Variants in CCDC171 observed in about 807,000 individuals in gnomAD.
CCDC171 encodes coiled-coil domain containing 171.
Under a neutral mutation model 168.2 loss-of-function variants are expected in CCDC171, and 177 were observed. The observed-to-expected ratio is 1.05, with a 90% confidence interval of 0.93 to 1.19. The LOEUF is 1.19. Among genes scored for constraint, CCDC171 ranks in the 50% most tolerant of loss-of-function variants. The probability of loss-of-function intolerance (pLI) is 0.00; values close to 1 mark genes in which losing one functional copy is unlikely to be tolerated. For synonymous variants in CCDC171, 687 were observed against 540.8 expected (o/e 1.27, Z -3.75); for missense variants, 1,991 against 1,539.0 (o/e 1.29, Z -4.91).
chr9:15,974,393 A>G (rs1831560121), downstream of CCDC171, among the ~76,000 whole-genome samples: 1 of 152,176 alleles, frequency 6.6e-6, no homozygotes, highest in African/African-American at 2.4e-5. Context: ...CAGTTGCTGT[A>G]TCAGCTTCTT....
At chr9:15,739,428 T>C (rs909192470) in intron 16 of CCDC171, among the ~76,000 whole-genome samples, 1 of 152,080 alleles carries the variant, frequency 6.6e-6, no homozygotes, top group African/African-American at 2.4e-5. Context: ...GAACCTTAGT[T>C]CAGTAAAGAC....
chr9:15,985,335 C>G (rs1437009854), intron 3 of CCDC171, among the ~76,000 whole-genome samples: 1 of 152,152 alleles, frequency 6.6e-6, no homozygotes, highest in Non-Finnish European at 1.5e-5. Flanking sequence ...TATGAACACA[C>G]TGATCCTTTA....
chr9:15,680,976 A>G (rs1012392427), intron 10 of CCDC171, among the ~76,000 whole-genome samples: 2 of 152,170 alleles, frequency 1.3e-5, no homozygotes, highest in African/African-American at 4.8e-5. Context: ...GATACAAAAT[A>G]AAATGAGACT....
chr9:15,824,443 G>A (rs1022766345), intron 21 of CCDC171, among the ~76,000 whole-genome samples: 4 of 151,846 alleles, frequency 2.6e-5, no homozygotes, highest in Non-Finnish European at 5.9e-5. Flanking sequence ...TGTCATTTGC[G>A]TGTTCAGTCT....
intron 7 of CCDC171, among the ~76,000 whole-genome samples, chr9:15,652,671 G>C (rs2047620708): frequency 6.6e-6 from 1 of 152,050 alleles, no homozygotes; most frequent in Non-Finnish European, 1.5e-5. Flanking sequence ...GAACTTCTGT[G>C]CTCAAGCTGT....
chr9:15,646,283 C>T (rs1166672983), intron 7 of CCDC171, among the ~76,000 whole-genome samples: 4 of 152,154 alleles, frequency 2.6e-5, no homozygotes, highest in Non-Finnish European at 5.9e-5. Context: ...ATACGAGCCC[C>T]TGCAAAAATA....
chr9:15,747,231 A>G (rs1265991355), intron 18 of CCDC171, among the ~76,000 whole-genome samples: 2 of 152,360 alleles, frequency 1.3e-5, no homozygotes, highest in East Asian at 3.9e-4. Context: ...TATCTGATCA[A>G]AAGGCAGCAG....
At chr9:15,783,774 A>G (rs190024372) in intron 20 of CCDC171, among the ~76,000 whole-genome samples, 1 of 152,280 alleles carries the variant, frequency 6.6e-6, no homozygotes, top group Non-Finnish European at 1.5e-5. Context: ...AGCAGTCATG[A>G]TATTGTAAAA....
At chr9:15,681,049 A>T (rs780927774) in intron 10 of CCDC171, among the ~76,000 whole-genome samples, 1 of 152,118 alleles carries the variant, frequency 6.6e-6, no homozygotes, top group Non-Finnish European at 1.5e-5. Flanking sequence ...TGGTACCAAC[A>T]GATTTTTTTT....
chr9:16,100,317 A>C, the CCDC171 span, among the ~76,000 whole-genome samples: 4,003 of 152,282 alleles, frequency 0.026, 162 homozygotes, highest in African/African-American at 0.091. Flanking sequence ...GATTGATTTC[A>C]TCCGAGTAAA....
intron 23 of CCDC171, among the ~76,000 whole-genome samples, chr9:15,856,232 A>G (rs1414817451): frequency 6.6e-6 from 1 of 151,970 alleles, no homozygotes; most frequent in South Asian, 2.1e-4. Context: ...CGTATGCAAT[A>G]CAATATTGTT....
At chr9:15,871,500 C>A (rs2062037293) in intron 23 of CCDC171, among the ~76,000 whole-genome samples, 1 of 151,786 alleles carries the variant, frequency 6.6e-6, no homozygotes, top group African/African-American at 2.4e-5. Context: ...TTTGACTATT[C>A]TAATATTACT....
intron 21 of CCDC171, among the ~76,000 whole-genome samples, chr9:15,838,012 C>T (rs1290171589): frequency 6.6e-6 from 1 of 152,064 alleles, no homozygotes; most frequent in Non-Finnish European, 1.5e-5. Flanking sequence ...ATTGTTAATC[C>T]TCTTTTTGGT....
chr9:15,620,955 A>G (rs907273054), intron 6 of CCDC171, among the ~76,000 whole-genome samples: 1 of 152,062 alleles, frequency 6.6e-6, no homozygotes, highest in African/African-American at 2.4e-5. Flanking sequence ...TTTAGCAGTA[A>G]AGTATTTTAA....
chr9:15,651,399 G>A (rs1397428840), intron 7 of CCDC171, among the ~76,000 whole-genome samples: 2 of 151,290 alleles, frequency 1.3e-5, no homozygotes, highest in Non-Finnish European at 2.9e-5. Context: ...GTGAGCCACC[G>A]TGCCTGGCCT....
intron 25 of CCDC171, among the ~76,000 whole-genome samples, chr9:15,941,447 T>C (rs1237214607): frequency 6.6e-6 from 1 of 151,926 alleles, no homozygotes; most frequent in Admixed American, 6.6e-5. Context: ...ATTGAATAGA[T>C]AGGAAACCTT....
chr9:15,581,104 T>G (rs2041075904), intron 4 of CCDC171, among the ~76,000 whole-genome samples: 1 of 152,176 alleles, frequency 6.6e-6, no homozygotes. Flanking sequence ...AAAATCAGTG[T>G]GCAAAAATTG....
At chr9:15,638,480 AAAG>A (rs1253149001) in intron 7 of CCDC171, among the ~76,000 whole-genome samples, 5 of 152,052 alleles carry the variant, frequency 3.3e-5, no homozygotes, top group African/African-American at 4.8e-5. Flanking sequence ...GGATAATAAT[AAAG>A]AAGAAGTTGT....
At chr9:15,629,126 C>G (rs549122882) in intron 7 of CCDC171, among the ~76,000 whole-genome samples, 36 of 152,260 alleles carry the variant, frequency 2.4e-4, no homozygotes, top group African/African-American at 8.2e-4. Context: ...CAGAGCGCCT[C>G]TCCTCCTCCA....
Sources: gnomAD v4.1 joint callset for allele counts (sites outside exome capture counted in the v4.1 genomes callset) on GRCh38, gnomAD v4.1.1 for gene constraint, MANE v1.5 for transcripts, NCBI Gene and HGNC (gene_info 2026-07-23, HGNC 2026-07-21) for gene names.